The following PIK3R2 variants were observed in gnomAD, a reference collection of about 807,000 sequenced individuals.
PIK3R2 encodes phosphoinositide-3-kinase regulatory subunit 2.
A neutral mutation model predicts 78.5 loss-of-function variants in PIK3R2; 40 were observed. The observed-to-expected ratio is 0.51, with a 90% CI of 0.40 to 0.66. The LOEUF (loss-of-function observed/expected upper bound fraction) is 0.66. Among genes scored for constraint, PIK3R2 ranks in the 30% least tolerant of loss-of-function variants. The probability of loss-of-function intolerance (pLI) is 0.00; values close to 1 mark genes in which losing one functional copy is unlikely to be tolerated. For missense variants in PIK3R2, 880 were observed against 1,026.6 expected (o/e 0.86, Z 1.95); for synonymous variants, 473 against 457.7 (o/e 1.03, Z -0.43).
chr19:18,162,598 G>C, intron 9 of PIK3R2, 92 bp downstream of exon 9: 2 of 1,129,760 alleles, frequency 1.8e-6, no homozygotes, highest in Non-Finnish European at 2.6e-6. Context: ...TTTCAAGAAT[G>C]GAGGGCCAGG....
intron 1 of PIK3R2, among the ~76,000 whole-genome samples, chr19:18,153,970 C>T (rs1273421738): frequency 6.6e-6 from 1 of 152,182 alleles, no homozygotes; most frequent in East Asian, 1.9e-4. Flanking sequence ...CCGCCCTGCT[C>T]GGACACCTCT....
chr19:18,168,378 TCTCTC>T lies in PIK3R2; in HGVS notation c.1737-93_1737-89del. The stretch of plus-strand genomic sequence containing the variant: ...ACCGGAGATATTGTACCCAGAACCC[TCTCTC>T]CTCAGCCAGACCCTGCCTCCCACCG... On this transcript the variant is annotated intron_variant, in intron 13 of 15. Coordinates refer to ENST00000222254, the MANE Select transcript of PIK3R2 (RefSeq NM_005027.4). The surrounding 1 kb of genome is among the most constrained non-coding windows in gnomAD (Gnocchi z 4.1). 2 of 712,700 alleles carry T rather than the reference TCTCTC, an allele frequency of 2.8e-6. No individual in the cohort carries two copies. Among genetic ancestry groups the T allele is most frequent in the South Asian group, 3.0e-5 (2 of 67,650 alleles). The allele number at this position is 712,700 out of a possible 1,614,324, so 44.1% of individuals were successfully genotyped here. A position where few individuals can be genotyped will look rare whatever the true frequency, so the allele number is the denominator to read the frequency against.
chr19:18,167,253 C>T lies in PIK3R2; in HGVS notation c.1683C>T (p.Asn561=), dbSNP rs1404543784. The change falls in exon 13 of 16, where the codon AAC becomes AAT. Residue 561 remains asparagine, a synonymous_variant. Coordinates refer to ENST00000222254, the MANE Select transcript of PIK3R2 (RefSeq NM_005027.4). This position sits in a 1 kb window ranked among gnomAD's most constrained non-coding sequence, Gnocchi z 4.5. ...SDNREIDKRM[N]SLKPDLMQLR... ...ACAGAGAGATCGACAAGCGCATGAA[C>T]AGCCTCAAGCCGGACCTCATGCAGC... 6.2e-7 allele frequency: 1 copy of T among 1,612,250 alleles called. No individual in the cohort carries two copies. Among genetic ancestry groups the T allele is most frequent in the Admixed American group, 1.7e-5 (1 of 59,758 alleles).
At position 18,168,455 on chromosome 19, in the gene PIK3R2, C is replaced by T. The variant is rs547694488; in HGVS notation, c.1737-20C>T. ...GCACCCACACAACTGCACAAGCCCA[C>T]CTTTCCTGTTCCTTCTCAGGTGGCT... On this transcript the variant is annotated intron_variant, in intron 13 of 15. Transcript: ENST00000222254. This position sits in a 1 kb window ranked among gnomAD's most constrained non-coding sequence, Gnocchi z 4.1. The T allele has an allele frequency of 3.9e-6, 3 of 778,540 alleles. No individual in the cohort carries two copies. The highest frequency in any genetic ancestry group is 4.9e-5 in the East Asian group (2 of 41,222). The allele number at this position is 778,540 out of a possible 1,614,324, so 48.2% of individuals were successfully genotyped here.
chr19:18,167,722 A>G lies in PIK3R2; in HGVS notation c.1736+416A>G, dbSNP rs1349618247. Among the ~76,000 whole-genome samples, 1 of 152,068 alleles carries G rather than the reference A, an allele frequency of 6.6e-6. No homozygotes were observed. Among genetic ancestry groups the G allele is most frequent in the Non-Finnish European group, 1.5e-5 (1 of 68,004 alleles). Reference sequence around the variant, plus strand: ...AAAATAAAAAATACAAAACCCGGCCAGGCATGGTGGTGGGCGCCTGTAATC... The same window carrying G: ...AAAATAAAAAATACAAAACCCGGCCGGGCATGGTGGTGGGCGCCTGTAATC... On this transcript the variant is annotated intron_variant, in intron 13 of 15. Transcript: ENST00000222254. The surrounding 1 kb of genome is among the most constrained non-coding windows in gnomAD (Gnocchi z 4.5).
At position 18,162,084 on chromosome 19, in the gene PIK3R2, G is replaced by A. The variant is rs747145633; in HGVS notation, c.901+33G>A. 26 of 1,594,622 alleles carry A rather than the reference G, an allele frequency of 1.6e-5. No individual in the cohort carries two copies. The African/African-American group carries it at 3.0e-4, about 18-fold the overall frequency. ...CCCTGTATTGCTGTCATTTCTTCCC[G>A]TTGGGGGCCGTAAATACTGATCCCT... On this transcript the variant is annotated intron_variant, in intron 7 of 15. Coordinates refer to ENST00000222254, the MANE Select transcript of PIK3R2 (RefSeq NM_005027.4).
In PIK3R2 at chr19:18,169,073, G is replaced by A. The variant is rs758475250; in HGVS notation, c.1980-14G>A. 2.5e-6 allele frequency: 4 copies of A among 1,606,806 alleles called. No individual in the cohort carries two copies. In the South Asian group the frequency reaches 4.4e-5, roughly 18 times the overall value. ...GGCCAGCCTTCCGACTCCCCCTCTCGTCTGCCCCCACAGAGTGGACGGCGA... is the reference window on the plus strand; with the variant it reads ...GGCCAGCCTTCCGACTCCCCCTCTCATCTGCCCCCACAGAGTGGACGGCGA... On this transcript the variant is annotated splice_polypyrimidine_tract_variant and intron_variant, in intron 15 of 15. Coordinates refer to ENST00000222254, the MANE Select transcript of PIK3R2 (RefSeq NM_005027.4).
At position 18,155,876 on chromosome 19, in the gene PIK3R2, G is replaced by T; in HGVS notation, c.-4G>T. The T allele has an allele frequency of 6.5e-7, 1 of 1,539,586 alleles. No homozygotes were observed. On this transcript the variant is annotated 5_prime_UTR_variant, in exon 2 of 16. Coordinates refer to ENST00000222254, the MANE Select transcript of PIK3R2 (RefSeq NM_005027.4). ...CATCCAGACCCCACCCCACTCACGC[G>T]GCCATGGCGGGCCCTGAGGGCTTCC...
chr19:18,157,881 G>C (rs976820081), intron 2 of PIK3R2, among the ~76,000 whole-genome samples: 1 of 152,132 alleles, frequency 6.6e-6, no homozygotes, highest in Non-Finnish European at 1.5e-5. Flanking sequence ...CCAGAGCAGC[G>C]TCCAATGGTG....
Position 18,169,903 on chromosome 19 carries a change from C to G in PIK3R2, c.*609C>G. On this transcript the variant is annotated 3_prime_UTR_variant, in exon 16 of 16. Coordinates refer to ENST00000222254, the MANE Select transcript of PIK3R2 (RefSeq NM_005027.4). ...GGCCGCTGCGAGAAGTTCACCCACC[C>G]CCGAAAAAATAATTAAACTCGCAGG... The G allele has an allele frequency of 5.1e-6, 1 of 195,410 alleles. No homozygotes were observed. Among genetic ancestry groups the G allele is most frequent in the Non-Finnish European group, 1.1e-5 (1 of 93,660 alleles). 12.1% of individuals were successfully genotyped at this position (195,410 alleles called of 1,614,324 possible). A position where few individuals can be genotyped will look rare whatever the true frequency, so the allele number is the denominator to read the frequency against.
chr19:18,166,889 CTG>C (rs1402902608), intron 12 of PIK3R2, among the ~76,000 whole-genome samples: 1 of 151,184 alleles, frequency 6.6e-6, no homozygotes, highest in Admixed American at 6.6e-5. Context: ...AACCCCAACA[CTG>C]TGGGAGGCTG....
At position 18,167,436 on chromosome 19, in the gene PIK3R2, C is replaced by A; in HGVS notation, c.1736+130C>A. ...CCTGGGCCCCGAGACCCCTTAAACTCGGTTCCTCCCGGGCCCCTTGAAAGT... is the reference window on the plus strand; with the variant it reads ...CCTGGGCCCCGAGACCCCTTAAACTAGGTTCCTCCCGGGCCCCTTGAAAGT... On this transcript the variant is annotated intron_variant, in intron 13 of 15. Coordinates refer to ENST00000222254, the MANE Select transcript of PIK3R2 (RefSeq NM_005027.4). The surrounding 1 kb of genome is among the most constrained non-coding windows in gnomAD (Gnocchi z 4.5). 1.4e-6 allele frequency: 1 copy of A among 698,022 alleles called. No homozygotes were observed. The highest frequency in any genetic ancestry group is 2.2e-6 in the Non-Finnish European group (1 of 459,048). The allele number at this position is 698,022 out of a possible 1,614,324, so 43.2% of individuals were successfully genotyped here.
chr19:18,157,765 C>T (rs577639048), intron 2 of PIK3R2, among the ~76,000 whole-genome samples: 3 of 123,138 alleles, frequency 2.4e-5, no homozygotes, highest in South Asian at 2.4e-4. Context: ...GTTTTCGTTG[C>T]AGCTGGGCCT....
intron 9 of PIK3R2, chr19:18,162,714 T>C: frequency 5.0e-6 from 3 of 599,684 alleles, no homozygotes; most frequent in Non-Finnish European, 8.8e-6. Flanking sequence ...TGAAACCCCG[T>C]CTCTACTAAA....
Position 18,163,378 on chromosome 19 carries a change from G to A in PIK3R2, c.1406G>A (p.Arg469Gln), listed in dbSNP as rs146112354. The A allele has an allele frequency of 3.1e-6, 5 of 1,613,936 alleles. No individual in the cohort carries two copies. In the African/African-American group the frequency reaches 5.3e-5, roughly 17 times the overall value. ...EYDQLYEEYTRTSQELQMKRT... is the reference protein window; with the variant it reads ...EYDQLYEEYTQTSQELQMKRT... The stretch of plus-strand genomic sequence containing the variant: ...GACCAGCTTTATGAAGAGTACACAC[G>A]GACCTCCCAGGTACTCCAGGCCCCG... Residue 469 changes from arginine to glutamine, a missense_variant, in exon 11 of 16, where the codon CGG becomes CAG. Arg to Gln is a conservative substitution (Grantham distance 43). Coordinates refer to ENST00000222254, the MANE Select transcript of PIK3R2 (RefSeq NM_005027.4).
In PIK3R2 at chr19:18,170,411, T is replaced by C. The variant is rs1967159431; in HGVS notation, c.*1117T>C. On this transcript the variant is annotated 3_prime_UTR_variant, in exon 16 of 16. Transcript: ENST00000222254. ...CTGCAAAACCCTCTTTCCTCTCCTC[T>C]TTTGGGACAAGAGCCCTGGTTTTCT... The C allele has an allele frequency of 6.6e-6, 1 of 152,116 alleles. No homozygotes were observed. The highest frequency in any genetic ancestry group is 2.4e-5 in the African/African-American group (1 of 41,396). The allele number at this position is 152,116 out of a possible 1,614,324, so 9.4% of individuals were successfully genotyped here. A position where few individuals can be genotyped will look rare whatever the true frequency, so the allele number is the denominator to read the frequency against.
chr19:18,161,371 C>A lies in PIK3R2; in HGVS notation c.691C>A (p.Arg231Ser). The change falls in exon 6 of 16, where the codon CGC becomes AGC. Residue 231 changes from arginine to serine, a missense_variant. By Grantham distance (110) the Arg-to-Ser change is moderately radical. This residue lies in a region of PIK3R2 where 456 missense variants were observed against 486.6 expected (regional missense o/e 0.94). Coordinates refer to ENST00000222254, the MANE Select transcript of PIK3R2 (RefSeq NM_005027.4). This position sits in a 1 kb window ranked among gnomAD's most constrained non-coding sequence, Gnocchi z 5.3. ...TLRFLLQHLG[R>S]VASRAPALGP... ...GCGCTTCCTGCTCCAGCACCTGGGC[C>A]GCGTGGCCAGCCGCGCCCCGGCCCT... is the stretch of plus-strand genomic sequence containing the variant. The A allele has an allele frequency of 7.9e-7, 1 of 1,264,270 alleles. No homozygotes were observed. 78.3% of individuals were successfully genotyped at this position (1,264,270 alleles called of 1,614,324 possible).
chr19:18,166,699 GAC>G lies in PIK3R2; in HGVS notation c.1559+398_1559+399del, dbSNP rs536657103. ...CACTCCAGCTTGGGTGACAGAGAAA[GAC>G]TGTCTCAAAAAAAAAAAAAAAAAAG... is the stretch of plus-strand genomic sequence containing the variant. On this transcript the variant is annotated intron_variant, in intron 12 of 15. Coordinates refer to ENST00000222254, the MANE Select transcript of PIK3R2 (RefSeq NM_005027.4). Among the ~76,000 whole-genome samples, 40 of 126,252 alleles carry G rather than the reference GAC, an allele frequency of 3.2e-4. No homozygotes were observed. The South Asian group carries it at 9.5e-3, about 30-fold the overall frequency. The allele number at this position is 126,252 out of a possible 152,430, so 82.8% of individuals were successfully genotyped here.
At position 18,169,900 on chromosome 19, in the gene PIK3R2, AC is replaced by A. The variant is rs1967144989; in HGVS notation, c.*611del. On this transcript the variant is annotated 3_prime_UTR_variant, in exon 16 of 16. Coordinates refer to ENST00000222254, the MANE Select transcript of PIK3R2 (RefSeq NM_005027.4). ...GGGGGCCGCTGCGAGAAGTTCACCCACCCCCGAAAAAATAATTAAACTCGCA... is the reference window on the plus strand; with the variant it reads ...GGGGGCCGCTGCGAGAAGTTCACCCACCCCGAAAAAATAATTAAACTCGCA... 1 of 194,754 alleles carries A rather than the reference AC, an allele frequency of 5.1e-6. No homozygotes were observed. The allele number at this position is 194,754 out of a possible 1,614,324, so 12.1% of individuals were successfully genotyped here.
Sources: allele counts gnomAD v4.1 joint callset (sites outside exome capture counted in the v4.1 genomes callset), GRCh38; gene constraint gnomAD v4.1.1; regional missense constraint gnomAD v4.1.1; non-coding constraint Gnocchi (gnomAD v3.1); transcripts MANE v1.5; gene names NCBI Gene and HGNC (gene_info 2026-07-23, HGNC 2026-07-21).